Variants in CRACD observed in about 807,000 individuals in gnomAD.
CRACD encodes capping protein-inhibiting regulator of actin dynamics.
A neutral mutation model predicts 106.8 loss-of-function variants in CRACD; 56 were observed. The ratio of observed to expected loss-of-function variants is 0.52; its 90% CI spans 0.42 to 0.66. The LOEUF (loss-of-function observed/expected upper bound fraction) is 0.66, where lower values mean the gene tolerates loss of function less well. Ranked by LOEUF, CRACD falls within the 30% of genes least tolerant of loss-of-function variation. The pLI, the probability that CRACD is intolerant of heterozygous loss-of-function variation, is 0.00. For missense variants in CRACD, 1,730 were observed against 1,623.2 expected (o/e 1.07, Z -1.13); for synonymous variants, 754 against 670.8 (o/e 1.12, Z -1.92).
Position 56,057,983 on chromosome 4 carries a change from TA to T in CRACD, c.-336+8686del. On this transcript the variant is annotated intron_variant, in intron 1 of 10. Coordinates refer to ENST00000682029, the MANE Select transcript of CRACD (RefSeq NM_001393381.1). ...ACAGGCGCCCGCTACCACGCCCAGC[TA>T]ATTTTTTGTATTTTTTTAGTAGAGA... 1.7e-5 allele frequency among the ~76,000 whole-genome samples: 2 copies of T among 118,054 alleles called. 1 individual carries two copies. Among genetic ancestry groups the T allele is most frequent in the African/African-American group, 8.6e-5 (2 of 23,372 alleles). 77.4% of individuals were successfully genotyped at this position (118,054 alleles called of 152,430 possible).
intron 1 of CRACD, among the ~76,000 whole-genome samples, chr4:56,106,505 T>C (rs1473438344): frequency 2.0e-5 from 3 of 152,244 alleles, no homozygotes; most frequent in Admixed American, 6.5e-5. Context: ...ATGTGGAAAG[T>C]TCCAAGGCTG....
In CRACD at chr4:56,277,711, T is replaced by G. The variant is rs185469830; in HGVS notation, c.-17+5219T>G. Among the ~76,000 whole-genome samples, 11 of 152,256 alleles carry G rather than the reference T, an allele frequency of 7.2e-5. No individual in the cohort carries two copies. The East Asian group carries it at 2.1e-3, about 29-fold the overall frequency. ...AAGAGGCATTAATCTTAGGAAGAAG[T>G]AAAACTGTACTTGCAGATGCCATGA... On this transcript the variant is annotated intron_variant, in intron 3 of 10. Transcript: ENST00000682029.
At chr4:56,262,449 T>C (rs1741759320) in intron 2 of CRACD, among the ~76,000 whole-genome samples, 1 of 152,258 alleles carries the variant, frequency 6.6e-6, no homozygotes. Flanking sequence ...CAGCCCAGAA[T>C]GGCTTTGAGT....
chr4:56,185,920 T>A (rs1737077248), intron 2 of CRACD, among the ~76,000 whole-genome samples: 2 of 152,330 alleles, frequency 1.3e-5, no homozygotes, highest in Admixed American at 6.5e-5. Flanking sequence ...GGGAGTTAAA[T>A]GATACTAGCC....
chr4:56,240,155 C>T (rs979396606), intron 2 of CRACD, among the ~76,000 whole-genome samples: 2 of 151,758 alleles, frequency 1.3e-5, no homozygotes, highest in African/African-American at 4.8e-5. Flanking sequence ...TTTCCTTGTC[C>T]CAAAAGGCAT....
At chr4:56,121,662 C>T (rs151132992) in intron 1 of CRACD, among the ~76,000 whole-genome samples, 28 of 152,054 alleles carry the variant, frequency 1.8e-4, no homozygotes, top group African/African-American at 6.3e-4. Flanking sequence ...AAGGAATATG[C>T]TGAATAAATG....
chr4:56,325,357 G>A (rs1577921835), intron 10 of CRACD, among the ~76,000 whole-genome samples: 1 of 152,260 alleles, frequency 6.6e-6, no homozygotes, highest in Admixed American at 6.5e-5. Context: ...AGATAAATGT[G>A]TAAAATGTTG....
chr4:56,230,378 C>T (rs140644), intron 2 of CRACD, among the ~76,000 whole-genome samples: 67,686 of 151,860 alleles, frequency 0.45, 15,739 homozygotes, highest in Non-Finnish European at 0.51. Context: ...AGCAGGTATA[C>T]ATCAATTGTT....
At chr4:56,057,938 C>A (rs1732143633) in intron 1 of CRACD, among the ~76,000 whole-genome samples, 1 of 116,010 alleles carries the variant, frequency 8.6e-6, no homozygotes, top group South Asian at 2.7e-4. Flanking sequence ...CCTGCCTCAG[C>A]CTCCCGAGTA....
At chr4:56,319,722 A>T (rs1577913900) in intron 8 of CRACD, among the ~76,000 whole-genome samples, 1 of 152,138 alleles carries the variant, frequency 6.6e-6, no homozygotes, top group Non-Finnish European at 1.5e-5. Context: ...ATTTCCTGTG[A>T]CGTACGCAAC....
intron 3 of CRACD, among the ~76,000 whole-genome samples, chr4:56,292,491 G>C (rs1359854246): frequency 6.6e-6 from 1 of 152,042 alleles, no homozygotes; most frequent in Non-Finnish European, 1.5e-5. Flanking sequence ...AGAAGATCAG[G>C]TGAGTCCTCT....
intron 4 of CRACD, among the ~76,000 whole-genome samples, chr4:56,302,730 T>G (rs750979403): frequency 2.0e-5 from 3 of 152,244 alleles, no homozygotes; most frequent in Non-Finnish European, 4.4e-5. Flanking sequence ...TTATTTATTT[T>G]TTTCTGCTTT....
At chr4:56,075,490 A>G (rs1732809630) in intron 1 of CRACD, among the ~76,000 whole-genome samples, 2 of 152,156 alleles carry the variant, frequency 1.3e-5, no homozygotes, top group South Asian at 2.1e-4. Context: ...TGTTTATAGT[A>G]TTCTCTGATG....
At chr4:56,197,860 G>GT (rs946838606) in intron 2 of CRACD, among the ~76,000 whole-genome samples, 4 of 152,042 alleles carry the variant, frequency 2.6e-5, no homozygotes, top group African/African-American at 9.7e-5. Flanking sequence ...TGTATTTTTA[G>GT]TAGAGACGGG....
At chr4:56,205,703 G>A (rs750186636) in intron 2 of CRACD, among the ~76,000 whole-genome samples, 1 of 152,090 alleles carries the variant, frequency 6.6e-6, no homozygotes, top group Non-Finnish European at 1.5e-5. Context: ...TTCCTGAACT[G>A]CTGGGCTCAA....
intron 1 of CRACD, among the ~76,000 whole-genome samples, chr4:56,160,063 G>A (rs1247771533): frequency 6.6e-6 from 1 of 152,004 alleles, no homozygotes; most frequent in African/African-American, 2.4e-5. Context: ...TTACAGCCGT[G>A]AGCCACTGTA....
At chr4:56,152,320 A>C (rs574472229) in intron 1 of CRACD, among the ~76,000 whole-genome samples, 1 of 151,856 alleles carries the variant, frequency 6.6e-6, no homozygotes, top group East Asian at 2.0e-4. Context: ...CCCAGCTGCA[A>C]ATAGTTTTTT....
intron 2 of CRACD, among the ~76,000 whole-genome samples, chr4:56,187,940 C>G (rs1737155066): frequency 2.0e-5 from 3 of 152,164 alleles, no homozygotes; most frequent in African/African-American, 7.2e-5. Flanking sequence ...TGTTTACATA[C>G]ATGCACACAG....
chr4:56,182,497 C>T (rs1736873082), intron 2 of CRACD, among the ~76,000 whole-genome samples: 1 of 151,500 alleles, frequency 6.6e-6, no homozygotes, highest in African/African-American at 2.4e-5. Flanking sequence ...CCCAGCCACT[C>T]GGGAGGCTGA....
Sources: gnomAD v4.1 joint callset for allele counts (sites outside exome capture counted in the v4.1 genomes callset) on GRCh38, gnomAD v4.1.1 for gene constraint, MANE v1.5 for transcripts, NCBI Gene and HGNC (gene_info 2026-07-23, HGNC 2026-07-21) for gene names.